Variants in WIPI1 observed in about 807,000 individuals in gnomAD.
WIPI1 encodes the protein WD repeat domain phosphoinositide-interacting protein 1.
In WIPI1, 45 loss-of-function variants were observed where a neutral mutation model predicts 55.3. The ratio of observed to expected loss-of-function variants is 0.81; its 90% confidence interval spans 0.64 to 1.04. The LOEUF is 1.04. Ranked by LOEUF, WIPI1 falls within the 50% of genes least tolerant of loss-of-function variation. The pLI is 0.00. For synonymous variants in WIPI1, 195 were observed against 217.6 expected, an observed-to-expected ratio of 0.90 and a Z score of 0.92; for missense variants, 445 against 559.0, an observed-to-expected ratio of 0.80 and a Z score of 2.06.
intron 12 of WIPI1, among the ~76,000 whole-genome samples, chr17:68,425,196 C>T (rs1359632405): frequency 6.6e-6 from 1 of 152,110 alleles, no homozygotes; most frequent in Non-Finnish European, 1.5e-5. Flanking sequence ...CTCCACAGAG[C>T]ACACAATTGC....
intron 10 of WIPI1, among the ~76,000 whole-genome samples, chr17:68,427,992 G>A (rs1181381770): frequency 6.6e-6 from 1 of 151,992 alleles, no homozygotes; most frequent in Non-Finnish European, 1.5e-5. Context: ...CTGGGCTCAG[G>A]TGATCCCCCC....
chr17:68,452,568 AAAAG>A (rs1235894410), intron 2 of WIPI1, among the ~76,000 whole-genome samples: 2 of 152,214 alleles, frequency 1.3e-5, no homozygotes, highest in African/African-American at 2.4e-5. Flanking sequence ...CCATCTCAAA[AAAAG>A]AAAGAAAGAA....
chr17:68,430,343 T>C (rs866539457), intron 8 of WIPI1, among the ~76,000 whole-genome samples, 183 bp from the exon 9 acceptor site: 1 of 152,170 alleles, frequency 6.6e-6, no homozygotes. Context: ...CTAAAGAGCA[T>C]CAAGGGCTTG....
intron 3 of WIPI1, among the ~76,000 whole-genome samples, chr17:68,449,809 G>A (rs2084428203): frequency 6.6e-6 from 1 of 152,224 alleles, no homozygotes; most frequent in Non-Finnish European, 1.5e-5. Flanking sequence ...GTTCTTTAGA[G>A]TAATGTGAGA....
At chr17:68,426,254 G>T in intron 11 of WIPI1, 79 bp from the exon 12 acceptor site, 1 of 816,922 alleles carries the variant, frequency 1.2e-6, no homozygotes, top group Non-Finnish European at 1.9e-6. Flanking sequence ...GGGAGCGGGG[G>T]CTCAAATAAA....
chr17:68,445,876 C>A (rs983617285), intron 3 of WIPI1, among the ~76,000 whole-genome samples: 3 of 152,144 alleles, frequency 2.0e-5, no homozygotes, highest in African/African-American at 7.2e-5. Context: ...ACCTGGATGC[C>A]CAAGGAGCTG....
intron 4 of WIPI1, among the ~76,000 whole-genome samples, chr17:68,439,858 G>A (rs1010573545): frequency 1.3e-5 from 2 of 152,130 alleles, no homozygotes; most frequent in African/African-American, 2.4e-5. Context: ...CCAAGCCTTC[G>A]TTTCTTACTT....
intron 10 of WIPI1, 120 bp from the exon 11 acceptor site, chr17:68,427,373 T>C (rs1337556847): frequency 6.4e-6 from 5 of 776,116 alleles, no homozygotes; most frequent in Non-Finnish European, 1.0e-5. Context: ...TTATTTATTT[T>C]TGAGGCAGGG....
At position 68,450,727 on chromosome 17, in the gene WIPI1, C is replaced by T; in HGVS notation, c.333+1G>A. 6.2e-7 allele frequency: 1 copy of T among 1,604,946 alleles called. No homozygotes were observed. The highest frequency in any genetic ancestry group is 8.5e-7 in the Non-Finnish European group (1 of 1,176,506). On this transcript the variant is annotated splice_donor_variant, in intron 3 of 12. Coordinates refer to ENST00000262139, the MANE Select transcript of WIPI1 (RefSeq NM_017983.7). LOFTEE classifies it high-confidence loss of function. ...AAACCCTGAGGGATTTCCCCACTTA[C>T]TTGCCGGTTCAGCCTTATGGACAAG...
chr17:68,455,927 G>A (rs908327258), intron 1 of WIPI1, among the ~76,000 whole-genome samples: 1 of 152,178 alleles, frequency 6.6e-6, no homozygotes, highest in Non-Finnish European at 1.5e-5. Context: ...CAACAGCCAT[G>A]CCCTCTTGCA....
At chr17:68,456,821 C>T (rs1284086272) in intron 1 of WIPI1, among the ~76,000 whole-genome samples, 1 of 152,182 alleles carries the variant, frequency 6.6e-6, no homozygotes, top group Non-Finnish European at 1.5e-5. Context: ...CTGGCCTGGC[C>T]GCAGGGATAG....
chr17:68,451,124 A>T (rs1424526070), intron 2 of WIPI1, among the ~76,000 whole-genome samples: 3 of 152,204 alleles, frequency 2.0e-5, no homozygotes, highest in African/African-American at 7.2e-5. Context: ...CTTTCCAAAT[A>T]TCTAAAGTAA....
intron 12 of WIPI1, among the ~76,000 whole-genome samples, chr17:68,425,621 A>G (rs904509998): frequency 1.3e-5 from 2 of 152,020 alleles, no homozygotes; most frequent in African/African-American, 2.4e-5. Context: ...GAGTGCAGCA[A>G]CTCAGCTCAG....
At chr17:68,428,469 G>C (rs1428167504) in intron 10 of WIPI1, 1 of 204,952 alleles carries the variant, frequency 4.9e-6, no homozygotes, top group Non-Finnish European at 1.0e-5. Flanking sequence ...CTGGACTCAA[G>C]CCATCCACCC....
chr17:68,435,168 T>C lies in WIPI1; in HGVS notation c.621+452A>G, dbSNP rs183127359. Among the ~76,000 whole-genome samples, 11 of 151,100 alleles carry C rather than the reference T, an allele frequency of 7.3e-5. No homozygotes were observed. In the East Asian group the frequency reaches 1.9e-3, roughly 27 times the overall value. ...GTTGCAGTGAGCCGAGATTGCGCCA[T>C]TGCACTCCAGCCTGGGCGACAGAGC... On this transcript the variant is annotated intron_variant, in intron 6 of 12. Transcript: ENST00000262139.
intron 3 of WIPI1, among the ~76,000 whole-genome samples, chr17:68,445,121 T>C (rs1015954720): frequency 1.3e-5 from 2 of 152,136 alleles, no homozygotes; most frequent in Non-Finnish European, 2.9e-5. Context: ...GGTTTCACCA[T>C]GTTGATCAGG....
rs1391107522 is a variant in WIPI1, at chr17:68,423,508, T to C, written c.1294-1688A>G. The stretch of plus-strand genomic sequence containing the variant: ...AGGGGCTGCTTGACACTCACAAGGG[T>C]CTAACACCTGTTCTAGGGACCTTGT... On this transcript the variant is annotated intron_variant, in intron 12 of 12. Coordinates refer to ENST00000262139, the MANE Select transcript of WIPI1 (RefSeq NM_017983.7). This position sits in a 1 kb window ranked among gnomAD's most constrained non-coding sequence, Gnocchi z 4.4. Among the ~76,000 whole-genome samples the C allele has an allele frequency of 1.3e-5, 2 of 152,102 alleles. No individual in the cohort carries two copies. The highest frequency in any genetic ancestry group is 4.8e-5 in the African/African-American group (2 of 41,396).
At chr17:68,442,464 C>CAA (rs1182675630) in intron 4 of WIPI1, among the ~76,000 whole-genome samples, 58 of 62,742 alleles carry the variant, frequency 9.2e-4, no homozygotes, top group African/African-American at 2.6e-3. Context: ...GACTGTGTCT[C>CAA]AAAAAAAAAA....
chr17:68,441,888 C>G (rs1466555853), intron 4 of WIPI1, among the ~76,000 whole-genome samples: 2 of 152,212 alleles, frequency 1.3e-5, no homozygotes, highest in Non-Finnish European at 2.9e-5. Flanking sequence ...TAAAAAGACA[C>G]AGTTTGCTCC....
Sources: gnomAD v4.1 joint callset for allele counts (sites outside exome capture counted in the v4.1 genomes callset) on GRCh38, gnomAD v4.1.1 for gene constraint, Gnocchi (gnomAD v3.1) non-coding constraint, MANE v1.5 for transcripts, NCBI Gene and HGNC (gene_info 2026-07-23, HGNC 2026-07-21) for gene names.